The following GABPA variants were observed in gnomAD, a reference collection of about 807,000 sequenced individuals.
The protein encoded by GABPA is GA binding protein transcription factor subunit alpha.
In GABPA, 4 loss-of-function variants were observed where a neutral mutation model predicts 59.4. The observed-to-expected ratio is 0.07, with a 90% CI of 0.03 to 0.15. The LOEUF (loss-of-function observed/expected upper bound fraction) is 0.15, where lower values mean the gene tolerates loss of function less well. Among genes scored for constraint, GABPA ranks in the 10% least tolerant of loss-of-function variants. The pLI, the probability that GABPA is intolerant of heterozygous loss-of-function variation, is 1.00. For synonymous variants in GABPA, 164 were observed against 183.1 expected, an observed-to-expected ratio of 0.90 and a Z score of 0.84; for missense variants, 251 against 543.8, an observed-to-expected ratio of 0.46 and a Z score of 5.36.
At chr21:25,768,951 G>T (rs1453278507) in intron 9 of GABPA, 53 bp from the exon 10 acceptor site, 15 of 1,102,090 alleles carry the variant, frequency 1.4e-5, no homozygotes, top group South Asian at 4.0e-5. Context: ...GTAAATTATT[G>T]TAAGAAGTCT....
chr21:25,760,956 G>C (rs1219577741), intron 6 of GABPA, among the ~76,000 whole-genome samples: 1 of 152,064 alleles, frequency 6.6e-6, no homozygotes. Context: ...CTTAGAAGGT[G>C]ATTTTACAAG....
chr21:25,759,681 T>C (rs907780263), intron 6 of GABPA, among the ~76,000 whole-genome samples: 2 of 152,164 alleles, frequency 1.3e-5, no homozygotes, highest in Admixed American at 1.3e-4. Context: ...CCATTCTTAC[T>C]AGATAAGTAA....
chr21:25,754,928 G>T (rs1160258261), intron 5 of GABPA, among the ~76,000 whole-genome samples: 1 of 151,878 alleles, frequency 6.6e-6, no homozygotes, highest in Admixed American at 6.6e-5. Flanking sequence ...GTACATGCCT[G>T]TAATCCCAGC....
At chr21:25,748,906 T>C (rs767108557) in intron 3 of GABPA, 130 bp from the exon 4 acceptor site, 28 of 654,498 alleles carry the variant, frequency 4.3e-5, no homozygotes, top group Non-Finnish European at 7.1e-5. Context: ...AAATAATGTG[T>C]TCTTATAATT....
At position 25,769,453 on chromosome 21, in the gene GABPA, C is replaced by T; in HGVS notation, c.*221C>T. Reference sequence around the variant, plus strand: ...TGTTAAAGGATCTCCACAATGTCTGCAGTGTGAAGGCAGGTTCATTGTGGA... The same window carrying T: ...TGTTAAAGGATCTCCACAATGTCTGTAGTGTGAAGGCAGGTTCATTGTGGA... On this transcript the variant is annotated 3_prime_UTR_variant, in exon 10 of 10. Transcript: ENST00000400075. The T allele has an allele frequency of 2.1e-6, 1 of 470,528 alleles. No homozygotes were observed. The highest frequency in any genetic ancestry group is 3.8e-6 in the Non-Finnish European group (1 of 260,764). The allele number at this position is 470,528 out of a possible 1,614,324, so 29.1% of individuals were successfully genotyped here. A position where few individuals can be genotyped will look rare whatever the true frequency, so the allele number is the denominator to read the frequency against.
chr21:25,749,230 T>C, intron 4 of GABPA, 110 bp downstream of exon 4: 1 of 649,826 alleles, frequency 1.5e-6, no homozygotes, highest in Non-Finnish European at 2.7e-6. Flanking sequence ...TGATATGATA[T>C]AATAGCCAAA....
chr21:25,743,673 T>C (rs2035284185), intron 2 of GABPA, among the ~76,000 whole-genome samples: 2 of 151,924 alleles, frequency 1.3e-5, no homozygotes, highest in Admixed American at 1.3e-4. Context: ...TTTTTAAAAA[T>C]GTTTAATGTT....
At chr21:25,735,982 T>C (rs1214855568) in intron 1 of GABPA, among the ~76,000 whole-genome samples, 1 of 152,136 alleles carries the variant, frequency 6.6e-6, no homozygotes, top group African/African-American at 2.4e-5. Flanking sequence ...GCAGACCCTG[T>C]CTCATCGCGG....
Position 25,771,024 on chromosome 21 carries a change from A to G in GABPA, c.*1792A>G, listed in dbSNP as rs1039687483. Reference sequence around the variant, plus strand: ...TCTGAGTAAAATAACAATATGAAATAATAAACAGAAGCTCTAACGTCAGGT... The same window carrying G: ...TCTGAGTAAAATAACAATATGAAATGATAAACAGAAGCTCTAACGTCAGGT... On this transcript the variant is annotated 3_prime_UTR_variant, in exon 10 of 10. Transcript: ENST00000400075. The G allele has an allele frequency of 2.0e-5, 3 of 152,078 alleles. No homozygotes were observed. The highest frequency in any genetic ancestry group is 6.5e-5 in the Admixed American group (1 of 15,270). 9.4% of individuals were successfully genotyped at this position (152,078 alleles called of 1,614,324 possible).
In GABPA at chr21:25,745,315, T is replaced by G; in HGVS notation, c.183T>G (p.Cys61Trp). The G allele has an allele frequency of 6.2e-7, 1 of 1,612,346 alleles. No individual in the cohort carries two copies. Among genetic ancestry groups the G allele is most frequent in the Non-Finnish European group, 8.5e-7 (1 of 1,179,544 alleles). The change falls in exon 3 of 10, where the codon TGT becomes TGG. Residue 61 changes from cysteine to tryptophan, a missense_variant. Around this residue, in one of 4 missense-constraint regions of GABPA, gnomAD observed 207 missense variants for 366.7 expected, o/e 0.56. Coordinates refer to ENST00000400075, the MANE Select transcript of GABPA (RefSeq NM_002040.4). ...AACTGCTAGAACCAAGACTACAGTG[T>G]TCTTTGGATGCTCATGAAATTTGTC... ...LKKLLEPRLQ[C>W]SLDAHEICLQ...
intron 6 of GABPA, among the ~76,000 whole-genome samples, chr21:25,760,222 TG>T (rs1461856564): frequency 6.6e-6 from 1 of 152,142 alleles, no homozygotes; most frequent in East Asian, 1.9e-4. Context: ...AATTGGGAGA[TG>T]GGCAGGATGA....
intron 5 of GABPA, among the ~76,000 whole-genome samples, chr21:25,756,792 G>A (rs2035647909): frequency 6.6e-6 from 1 of 151,982 alleles, no homozygotes; most frequent in Non-Finnish European, 1.5e-5. Context: ...GTGGGTTTTT[G>A]GTTTTGTTCT....
chr21:25,751,465 T>C (rs1462812794), intron 4 of GABPA, among the ~76,000 whole-genome samples: 1 of 151,650 alleles, frequency 6.6e-6, no homozygotes, highest in Non-Finnish European at 1.5e-5. Context: ...CTTCATCTCA[T>C]TTAAAATGAA....
intron 6 of GABPA, among the ~76,000 whole-genome samples, chr21:25,759,116 A>G (rs1401768606): frequency 2.6e-5 from 4 of 152,190 alleles, no homozygotes; most frequent in Non-Finnish European, 4.4e-5. Context: ...GCTGTCCAAG[A>G]AAACAAGGCA....
rs1304594987 is a variant in GABPA, at chr21:25,735,378, A to AC, written c.-224dup. 5.2e-6 allele frequency: 1 copy of AC among 193,726 alleles called. No homozygotes were observed. The highest frequency in any genetic ancestry group is 1.1e-5 in the Non-Finnish European group (1 of 92,256). 12.0% of individuals were successfully genotyped at this position (193,726 alleles called of 1,614,324 possible). On this transcript the variant is annotated 5_prime_UTR_variant, in exon 1 of 10. Transcript: ENST00000400075. Reference sequence around the variant, plus strand: ...ACCCTGCCGGGAGTTGTAGTCCTGGACCCGAAGGTGCCTGGGAGGCGGGAG... The same window carrying AC: ...ACCCTGCCGGGAGTTGTAGTCCTGGACCCCGAAGGTGCCTGGGAGGCGGGAG...
intron 5 of GABPA, among the ~76,000 whole-genome samples, chr21:25,755,963 G>A (rs1297912957): frequency 1.3e-5 from 2 of 152,134 alleles, no homozygotes; most frequent in African/African-American, 4.8e-5. Context: ...ATGCCAAATC[G>A]ATTACCACTC....
At chr21:25,753,411 A>C (rs1476119558) in intron 5 of GABPA, among the ~76,000 whole-genome samples, 1 of 152,232 alleles carries the variant, frequency 6.6e-6, no homozygotes, top group Non-Finnish European at 1.5e-5. Flanking sequence ...GAAATGGAAA[A>C]GAACACACAA....
intron 3 of GABPA, among the ~76,000 whole-genome samples, chr21:25,747,393 C>A (rs1429023324): frequency 6.6e-6 from 1 of 152,130 alleles, no homozygotes; most frequent in African/African-American, 2.4e-5. Context: ...CCAGGCTCTT[C>A]CAAGTTCTCA....
intron 6 of GABPA, among the ~76,000 whole-genome samples, chr21:25,759,695 G>A (rs1291681779): frequency 6.6e-6 from 1 of 152,040 alleles, no homozygotes; most frequent in Non-Finnish European, 1.5e-5. Flanking sequence ...TAAGTAAGTT[G>A]AATGTCCTGG....
Sources: allele counts gnomAD v4.1 joint callset (sites outside exome capture counted in the v4.1 genomes callset), GRCh38; gene constraint gnomAD v4.1.1; regional missense constraint gnomAD v4.1.1; transcripts MANE v1.5; gene names NCBI Gene and HGNC (gene_info 2026-07-23, HGNC 2026-07-21).